Variants in CIRSR observed in about 807,000 individuals in gnomAD.
The protein encoded by CIRSR is corepressor of RBPJ and splicing regulator.
the CIRSR span, among the ~76,000 whole-genome samples, chr2:174,356,837 G>A: frequency 4.0e-5 from 6 of 151,758 alleles, no homozygotes; most frequent in Non-Finnish European, 7.4e-5. Context: ...TTTATACTAC[G>A]GAAAATTGCA....
chr2:174,355,207 A>C, the CIRSR span, among the ~76,000 whole-genome samples: 1 of 152,328 alleles, frequency 6.6e-6, no homozygotes, highest in South Asian at 2.1e-4. Context: ...AAAATAGATG[A>C]TTACAGATAC....
At chr2:174,380,581 A>G in the CIRSR span, 1 of 1,389,902 alleles carries the variant, frequency 7.2e-7, no homozygotes, top group African/African-American at 1.4e-5. Flanking sequence ...AAAAAGCAAC[A>G]TAAGATGGGA....
At chr2:174,384,357 G>A in the CIRSR span, among the ~76,000 whole-genome samples, 1 of 152,148 alleles carries the variant, frequency 6.6e-6, no homozygotes, top group African/African-American at 2.4e-5. Context: ...TGGTTGCCAG[G>A]GGCTGTGGGC....
chr2:174,348,679 G>T, the CIRSR span: 4 of 1,613,982 alleles, frequency 2.5e-6, no homozygotes, highest in South Asian at 4.4e-5. Flanking sequence ...CTTCTGCTCC[G>T]GCTTCTCCGG....
the CIRSR span, chr2:174,370,067 A>T: frequency 2.2e-6 from 3 of 1,352,458 alleles, no homozygotes; most frequent in Non-Finnish European, 9.8e-7. Context: ...CCTGCATTAG[A>T]GTTTCAGGGC....
At chr2:174,390,106 C>T in the CIRSR span, among the ~76,000 whole-genome samples, 2 of 152,202 alleles carry the variant, frequency 1.3e-5, no homozygotes, top group Non-Finnish European at 2.9e-5. Flanking sequence ...GGCCTCTGTC[C>T]TCCAGACCCC....
the CIRSR span, among the ~76,000 whole-genome samples, chr2:174,354,649 TTA>T: frequency 2.3e-5 from 2 of 86,912 alleles, no homozygotes; most frequent in Non-Finnish European, 4.3e-5. Context: ...TTATATATTT[TTA>T]TATATTATAT....
At chr2:174,385,427 A>C in the CIRSR span, among the ~76,000 whole-genome samples, 1 of 152,118 alleles carries the variant, frequency 6.6e-6, no homozygotes, top group African/African-American at 2.4e-5. Flanking sequence ...ATTACTCATA[A>C]ATTTGCATTC....
At chr2:174,367,547 T>G in the CIRSR span, among the ~76,000 whole-genome samples, 1 of 151,960 alleles carries the variant, frequency 6.6e-6, no homozygotes, top group African/African-American at 2.4e-5. Flanking sequence ...GCCACTGCAC[T>G]CCAGCTGGGC....
At chr2:174,378,394 C>T in the CIRSR span, among the ~76,000 whole-genome samples, 1 of 152,178 alleles carries the variant, frequency 6.6e-6, no homozygotes, top group Non-Finnish European at 1.5e-5. Context: ...TAAAACTTCT[C>T]AGTTTAATAT....
chr2:174,392,129 C>G, the CIRSR span, among the ~76,000 whole-genome samples: 1 of 152,168 alleles, frequency 6.6e-6, no homozygotes, highest in Non-Finnish European at 1.5e-5. Context: ...TCCCAAGTAG[C>G]TGGGATTACA....
chr2:174,366,974 A>G, the CIRSR span, among the ~76,000 whole-genome samples: 16 of 152,252 alleles, frequency 1.1e-4, no homozygotes, highest in Non-Finnish European at 2.4e-4. Flanking sequence ...ATGCTAAAAG[A>G]GGAGATAAAA....
chr2:174,380,936 G>A, the CIRSR span: 1 of 775,646 alleles, frequency 1.3e-6, no homozygotes, highest in South Asian at 2.4e-5. Flanking sequence ...AGAATTCATT[G>A]GTTTGACTTT....
At chr2:174,393,540 C>T in the CIRSR span, among the ~76,000 whole-genome samples, 16 of 152,186 alleles carry the variant, frequency 1.1e-4, no homozygotes, top group South Asian at 6.2e-4. Context: ...TAGATGGGGT[C>T]TCACTTTGTT....
chr2:174,376,182 T>C, the CIRSR span, among the ~76,000 whole-genome samples: 1 of 152,156 alleles, frequency 6.6e-6, no homozygotes, highest in Admixed American at 6.5e-5. Flanking sequence ...TTTTATATGT[T>C]AGGGGTATCC....
At chr2:174,392,546 A>C in the CIRSR span, among the ~76,000 whole-genome samples, 4 of 152,168 alleles carry the variant, frequency 2.6e-5, no homozygotes, top group Non-Finnish European at 5.9e-5. Context: ...AATATAGGTG[A>C]AAGATGATGA....
At chr2:174,392,337 T>C in the CIRSR span, among the ~76,000 whole-genome samples, 1 of 152,200 alleles carries the variant, frequency 6.6e-6, no homozygotes, top group Non-Finnish European at 1.5e-5. Context: ...CTAAAATTGT[T>C]TGTGGTAATG....
chr2:174,376,804 A>AGG, the CIRSR span, among the ~76,000 whole-genome samples: 4 of 142,660 alleles, frequency 2.8e-5, no homozygotes, highest in Non-Finnish European at 6.1e-5. Flanking sequence ...TCTCAGGGAA[A>AGG]AAAAAAAAAA....
At chr2:174,380,798 C>T in the CIRSR span, 1 of 1,598,772 alleles carries the variant, frequency 6.3e-7, no homozygotes, top group African/African-American at 1.3e-5. Flanking sequence ...GAAAATAGTA[C>T]TTTACCTCTT....
Sources: gnomAD v4.1 joint callset for allele counts (sites outside exome capture counted in the v4.1 genomes callset) on GRCh38, gnomAD v4.1.1 for gene constraint, MANE v1.5 for transcripts, NCBI Gene and HGNC (gene_info 2026-07-23, HGNC 2026-07-21) for gene names.